ZNF514: variants seen among roughly 807,000 people sequenced by gnomAD.
The protein encoded by ZNF514 is zinc finger protein 514.
A neutral mutation model predicts 9.7 loss-of-function variants in ZNF514; 12 were observed. That is an observed-to-expected ratio of 1.24 (90% CI 0.79 to 2.01). The LOEUF is 2.01. Among genes scored for constraint, ZNF514 ranks in the 30% most tolerant of loss-of-function variants. ZNF514 has a pLI of 0.00. For missense variants in ZNF514, 467 were observed against 465.5 expected, an observed-to-expected ratio of 1.00 and a Z score of -0.03; for synonymous variants, 158 against 163.7, an observed-to-expected ratio of 0.97 and a Z score of 0.27.
the ZNF514 span, among the ~76,000 whole-genome samples, chr2:95,123,218 C>T: frequency 3.9e-5 from 6 of 152,162 alleles, no homozygotes; most frequent in Non-Finnish European, 8.8e-5. Flanking sequence ...CTGTGGAGGT[C>T]GCCCTTTGAT....
rs531090344 is a variant in ZNF514, at chr2:95,146,331, A to G, written c.*2951T>C. Among the ~76,000 whole-genome samples, 168 of 151,606 alleles carry G rather than the reference A, an allele frequency of 1.1e-3. No homozygotes were observed. Among genetic ancestry groups the G allele is most frequent in the Non-Finnish European group, 1.8e-3 (122 of 67,772 alleles). ...CATTTTTAAAAACTTACACAAACAA[A>G]TATGTTTATGATTACAAATGGTAAG... On this transcript the variant is annotated 3_prime_UTR_variant, in exon 5 of 5. Coordinates refer to ENST00000295208, the MANE Select transcript of ZNF514 (RefSeq NM_032788.3).
chr2:95,132,612 G>A, the ZNF514 span, among the ~76,000 whole-genome samples: 2 of 152,130 alleles, frequency 1.3e-5, no homozygotes, highest in South Asian at 4.1e-4. Context: ...GCTCACACCT[G>A]TAATCCCAGC....
the ZNF514 span, among the ~76,000 whole-genome samples, chr2:95,129,201 A>T: frequency 6.6e-6 from 1 of 152,254 alleles, no homozygotes; most frequent in Non-Finnish European, 1.5e-5. Flanking sequence ...CAGTGAAATA[A>T]GCATAATTGG....
chr2:95,129,374 A>G, the ZNF514 span, among the ~76,000 whole-genome samples: 2 of 152,112 alleles, frequency 1.3e-5, no homozygotes, highest in Non-Finnish European at 2.9e-5. Context: ...CCTCCTTCCC[A>G]GCTCAGCTTG....
At chr2:95,157,763 T>C (rs1233514780) in intron 1 of ZNF514, among the ~76,000 whole-genome samples, 3 of 152,142 alleles carry the variant, frequency 2.0e-5, no homozygotes, top group East Asian at 3.8e-4. Context: ...TTTGGAAATA[T>C]AAATATGGAA....
the ZNF514 span, among the ~76,000 whole-genome samples, chr2:95,131,204 T>A: frequency 6.6e-6 from 1 of 152,166 alleles, no homozygotes; most frequent in Non-Finnish European, 1.5e-5. Flanking sequence ...TGCCTTGACA[T>A]CTGGTGAAAT....
At chr2:95,133,898 A>G in the ZNF514 span, among the ~76,000 whole-genome samples, 1 of 152,204 alleles carries the variant, frequency 6.6e-6, no homozygotes, top group Non-Finnish European at 1.5e-5. Flanking sequence ...TATCCATGTC[A>G]ATATGCTGGT....
In ZNF514 at chr2:95,150,198, T is replaced by C; in HGVS notation, c.287A>G (p.Gln96Arg). 1 of 1,606,536 alleles carries C rather than the reference T, an allele frequency of 6.2e-7. No individual in the cohort carries two copies. The highest frequency in any genetic ancestry group is 8.5e-7 in the Non-Finnish European group (1 of 1,179,390). Residue 96 changes from glutamine to arginine, a missense_variant, in exon 5 of 5, where the codon CAG becomes CGG. Gln to Arg is a conservative substitution (Grantham distance 43, BLOSUM62 1). Transcript: ENST00000295208. The stretch of plus-strand genomic sequence containing the variant: ...AATGTGTTTTTCCACTGATACTACC[T>C]GGAATAATTCTTCTTTGGAAATTCC... ...SWGISKEELF[Q>R]VVSVEKHIQD...
At position 95,148,606 on chromosome 2, in the gene ZNF514, T is replaced by C. The variant is rs1673429917; in HGVS notation, c.*676A>G. The C allele has an allele frequency of 6.6e-6, 1 of 152,220 alleles. No homozygotes were observed. The highest frequency in any genetic ancestry group is 1.5e-5 in the Non-Finnish European group (1 of 68,030). The allele number at this position is 152,220 out of a possible 1,614,324, so 9.4% of individuals were successfully genotyped here. ...TTCTCTAACGTGTTTTGGTGGAACA[T>C]CCACCAAAGCCCTTCCCACATTCAT... is the stretch of plus-strand genomic sequence containing the variant. On this transcript the variant is annotated 3_prime_UTR_variant, in exon 5 of 5. Coordinates refer to ENST00000295208, the MANE Select transcript of ZNF514 (RefSeq NM_032788.3).
chr2:95,142,685 C>A (rs1673268612), downstream of ZNF514, among the ~76,000 whole-genome samples: 1 of 152,132 alleles, frequency 6.6e-6, no homozygotes, highest in African/African-American at 2.4e-5. Context: ...CTGGAAATTC[C>A]AACTCAGGCA....
chr2:95,157,387 C>T lies in ZNF514; in HGVS notation c.-43G>A, dbSNP rs764941954. The T allele has an allele frequency of 7.8e-7, 1 of 1,289,746 alleles. No individual in the cohort carries two copies. The highest frequency in any genetic ancestry group is 1.2e-5 in the South Asian group (1 of 81,028). 79.9% of individuals were successfully genotyped at this position (1,289,746 alleles called of 1,614,324 possible). ...CTTTCAGGAATGAATTGGTTGTTCC[C>T]TCTTCTCCTGGGAATCTCTCTGGAG... is the stretch of plus-strand genomic sequence containing the variant. On this transcript the variant is annotated 5_prime_UTR_variant, in exon 2 of 5. Coordinates refer to ENST00000295208, the MANE Select transcript of ZNF514 (RefSeq NM_032788.3).
chr2:95,132,890 C>G, the ZNF514 span, among the ~76,000 whole-genome samples: 1,530 of 134,620 alleles, frequency 0.011, 17 homozygotes, highest in Middle Eastern at 0.044. Flanking sequence ...AAAAAAAAAG[C>G]TAAACATGCC....
chr2:95,146,290 A>C lies in ZNF514; in HGVS notation c.*2992T>G, dbSNP rs1366280741. On this transcript the variant is annotated 3_prime_UTR_variant, in exon 5 of 5. Transcript: ENST00000295208. ...TCAAGACAGTGATACGATTTACCAC[A>C]AGTCTAGATATTGTCCATTTTTAAA... is the stretch of plus-strand genomic sequence containing the variant. 1.3e-5 allele frequency among the ~76,000 whole-genome samples: 2 copies of C among 152,220 alleles called. No individual in the cohort carries two copies. The highest frequency in any genetic ancestry group is 2.9e-5 in the Non-Finnish European group (2 of 68,036).
rs1041128058 is a variant in ZNF514, at chr2:95,149,902, G to A, written c.583C>T (p.Gln195Ter). 2 of 1,614,100 alleles carry A rather than the reference G, an allele frequency of 1.2e-6. No homozygotes were observed. The highest frequency in any genetic ancestry group is 1.7e-6 in the Non-Finnish European group (2 of 1,180,042). The part of the protein sequence containing the change: ...FRQTLGGNNS[Q>*]RTHPEKKSCK... ...GATTTCTTTTCTGGGTGGGTTCTCT[G>A]AGAGTTGTTTCCCCCTAAAGTCTGC... The change falls in exon 5 of 5, where the codon CAG (glutamine) becomes TAG (stop). Residue 195 changes from glutamine to a stop codon, truncating the protein, a stop_gained. Coordinates refer to ENST00000295208, the MANE Select transcript of ZNF514 (RefSeq NM_032788.3). LOFTEE classifies it low-confidence loss of function (END_TRUNC).
chr2:95,146,011 T>TTAA lies in ZNF514; in HGVS notation c.*3268_*3270dup, dbSNP rs1673349597. On this transcript the variant is annotated 3_prime_UTR_variant, in exon 5 of 5. Transcript: ENST00000295208. The stretch of plus-strand genomic sequence containing the variant: ...GTGTCAGACTTGTTTCTTATCAGAC[T>TTAA]TAAATCTATTTTGGCGTAAAACACT... Among the ~76,000 whole-genome samples the TTAA allele has an allele frequency of 6.6e-6, 1 of 152,154 alleles. No homozygotes were observed. The highest frequency in any genetic ancestry group is 1.5e-5 in the Non-Finnish European group (1 of 68,006).
chr2:95,140,513 T>C (rs1345431844), downstream of ZNF514, among the ~76,000 whole-genome samples: 1 of 151,770 alleles, frequency 6.6e-6, no homozygotes, highest in Non-Finnish European at 1.5e-5. Flanking sequence ...CCAGGGAGGC[T>C]GAGGCAGGAG....
At chr2:95,127,581 GTTTTTT>G in the ZNF514 span, among the ~76,000 whole-genome samples, 2 of 149,838 alleles carry the variant, frequency 1.3e-5, no homozygotes, top group Non-Finnish European at 3.0e-5. Flanking sequence ...TTTTGTTTTT[GTTTTTT>G]TGTTTTTGTT....
rs1225332997 is a variant in ZNF514 at position 95,148,060 on chromosome 2, CAAAG to C, written c.*1218_*1221del. ...AATCCTAGACCACTCCATTGCCTCACAAAGAAAGGTAACATGTGCTACAGAGAAA... is the reference window on the plus strand; with the variant it reads ...AATCCTAGACCACTCCATTGCCTCACAAAGGTAACATGTGCTACAGAGAAA... On this transcript the variant is annotated 3_prime_UTR_variant, in exon 5 of 5. Coordinates refer to ENST00000295208, the MANE Select transcript of ZNF514 (RefSeq NM_032788.3). 6.6e-6 allele frequency: 1 copy of C among 152,202 alleles called. No individual in the cohort carries two copies. Among genetic ancestry groups the C allele is most frequent in the Admixed American group, 6.5e-5 (1 of 15,290 alleles). 9.4% of individuals were successfully genotyped at this position (152,202 alleles called of 1,614,324 possible). A position where few individuals can be genotyped will look rare whatever the true frequency, so the allele number is the denominator to read the frequency against.
chr2:95,124,199 C>T, the ZNF514 span, among the ~76,000 whole-genome samples: 5 of 152,162 alleles, frequency 3.3e-5, no homozygotes, highest in Admixed American at 3.3e-4. Context: ...CCCACCCCCT[C>T]TTTTATCCTC....
Sources: gnomAD v4.1 joint callset for allele counts (sites outside exome capture counted in the v4.1 genomes callset) on GRCh38, gnomAD v4.1.1 for gene constraint, MANE v1.5 for transcripts, NCBI Gene and HGNC (gene_info 2026-07-23, HGNC 2026-07-21) for gene names.